The following FSD1L variants were observed in gnomAD, a reference collection of about 807,000 sequenced individuals.
FSD1L encodes the protein fibronectin type III and SPRY domain containing 1 like.
In FSD1L, 45 loss-of-function variants were observed where a neutral mutation model predicts 71.6. That is an observed-to-expected ratio of 0.63 (90% CI 0.49 to 0.81). The LOEUF (loss-of-function observed/expected upper bound fraction) is 0.81. Among genes scored for constraint, FSD1L ranks in the 30% least tolerant of loss-of-function variants. FSD1L has a pLI of 0.00. For missense variants in FSD1L, 561 were observed against 618.1 expected (o/e 0.91, Z 0.98); for synonymous variants, 197 against 207.2 (o/e 0.95, Z 0.42).
intron 10 of FSD1L, chr9:105,520,103 TGGCAGTGGCAGTGGCAGC>T (rs1835037601): frequency 6.3e-7 from 1 of 1,586,220 alleles, no homozygotes; most frequent in Non-Finnish European, 8.6e-7. Context: ...GCAGTGGCAG[TGGCAGTGGCAGTGGCAGC>T]GGCAGGATGT....
intron 1 of FSD1L, among the ~76,000 whole-genome samples, chr9:105,461,233 G>A (rs983078538): frequency 3.7e-4 from 56 of 152,114 alleles, no homozygotes; most frequent in African/African-American, 1.1e-3. Context: ...GACCTCTTAA[G>A]TCTGTATTAT....
chr9:105,521,324 A>G lies in FSD1L; in HGVS notation c.1025+8388A>G. 8 of 1,614,230 alleles carry G rather than the reference A, an allele frequency of 5.0e-6. No homozygotes were observed. In the South Asian group the frequency reaches 6.6e-5, roughly 13 times the overall value. On this transcript the variant is annotated intron_variant, in intron 10 of 13. Coordinates refer to ENST00000481272, the MANE Select transcript of FSD1L (RefSeq NM_001145313.3). ...GCAAAAATGATAATGCTGATAAAGC[A>G]GACAGAACTACAGAACCCGAACAGT...
chr9:105,487,365 A>G (rs1832617786), intron 7 of FSD1L, among the ~76,000 whole-genome samples: 1 of 151,564 alleles, frequency 6.6e-6, no homozygotes, highest in African/African-American at 2.4e-5. Flanking sequence ...CACAGTTTAT[A>G]TGTACTGGAA....
At chr9:105,490,252 C>T (rs1441846238) in intron 7 of FSD1L, among the ~76,000 whole-genome samples, 1 of 152,166 alleles carries the variant, frequency 6.6e-6, no homozygotes, top group Non-Finnish European at 1.5e-5. Context: ...TCTCTGATGG[C>T]CAGTGATGGT....
chr9:105,500,073 T>C (rs1454247013), intron 7 of FSD1L, among the ~76,000 whole-genome samples: 2 of 152,242 alleles, frequency 1.3e-5, no homozygotes, highest in African/African-American at 4.8e-5. Flanking sequence ...ATCTGTTCTT[T>C]TATGCTGTCT....
rs1194457884 is a variant in FSD1L at position 105,551,393 on chromosome 9, TC to T, written c.*4911del. 2 of 152,180 alleles carry T rather than the reference TC, an allele frequency of 1.3e-5. No homozygotes were observed. Among genetic ancestry groups the T allele is most frequent in the East Asian group, 3.9e-4 (2 of 5,182 alleles). The allele number at this position is 152,180 out of a possible 1,614,324, so 9.4% of individuals were successfully genotyped here. A position where few individuals can be genotyped will look rare whatever the true frequency, so the allele number is the denominator to read the frequency against. Reference sequence around the variant, plus strand: ...ACAAATTGTTTATCATCTTTGGGTCTCTATTGCCTTCTTTATAAAATAAGTG... The same window carrying T: ...ACAAATTGTTTATCATCTTTGGGTCTTATTGCCTTCTTTATAAAATAAGTG... On this transcript the variant is annotated 3_prime_UTR_variant, in exon 14 of 14. Transcript: ENST00000481272.
In FSD1L at chr9:105,516,381, G is replaced by A. The variant is rs540302587; in HGVS notation, c.1025+3445G>A. ...CTCCTCAAGTGGGTCCTTGACCCCC[G>A]TGAATCCTGACTAGGAGACACCTCC... On this transcript the variant is annotated intron_variant, in intron 10 of 13. Coordinates refer to ENST00000481272, the MANE Select transcript of FSD1L (RefSeq NM_001145313.3). Among the ~76,000 whole-genome samples, 13 of 152,240 alleles carry A rather than the reference G, an allele frequency of 8.5e-5. No individual in the cohort carries two copies. The East Asian group carries it at 1.4e-3, about 16-fold the overall frequency.
chr9:105,542,614 C>A (rs556893428), intron 13 of FSD1L, among the ~76,000 whole-genome samples: 2 of 152,152 alleles, frequency 1.3e-5, no homozygotes, highest in South Asian at 4.1e-4. Flanking sequence ...CCACCATACC[C>A]GGCTATTTAA....
intron 4 of FSD1L, among the ~76,000 whole-genome samples, chr9:105,468,546 C>T (rs573710913): frequency 6.6e-6 from 1 of 151,316 alleles, no homozygotes; most frequent in African/African-American, 2.4e-5. Context: ...ACTCTGTCAC[C>T]CAGGCTGGAG....
intron 10 of FSD1L, chr9:105,526,381 A>C: frequency 1.2e-6 from 2 of 1,613,220 alleles, no homozygotes; most frequent in South Asian, 1.1e-5. Context: ...GTTTATCTGA[A>C]GGCTCCTACC....
chr9:105,523,620 C>T, intron 10 of FSD1L: 1 of 1,610,116 alleles, frequency 6.2e-7, no homozygotes, highest in Non-Finnish European at 8.5e-7. Flanking sequence ...TTTAATTCCT[C>T]CACTGAGAAT....
At chr9:105,487,457 A>G (rs1329843948) in intron 7 of FSD1L, among the ~76,000 whole-genome samples, 1 of 151,814 alleles carries the variant, frequency 6.6e-6, no homozygotes, top group African/African-American at 2.4e-5. Context: ...TAGGTGACAA[A>G]TGTGTTATGA....
In FSD1L at chr9:105,484,519, C is replaced by T; in HGVS notation, c.586+17C>T. ...TTTTGCCAGGTAAATACATGTATTA[C>T]ATGTAAAGTTTTGTATAAAACTTTT... On this transcript the variant is annotated intron_variant, in intron 7 of 13. Coordinates refer to ENST00000481272, the MANE Select transcript of FSD1L (RefSeq NM_001145313.3). 6.9e-7 allele frequency: 1 copy of T among 1,447,536 alleles called. No homozygotes were observed. 89.7% of individuals were successfully genotyped at this position (1,447,536 alleles called of 1,614,324 possible). A position where few individuals can be genotyped will look rare whatever the true frequency, so the allele number is the denominator to read the frequency against.
chr9:105,476,400 T>G (rs1198431445), intron 5 of FSD1L, among the ~76,000 whole-genome samples: 1 of 152,210 alleles, frequency 6.6e-6, no homozygotes, highest in Admixed American at 6.5e-5. Context: ...CAAACTTCCT[T>G]AAGTAGAATT....
intron 1 of FSD1L, among the ~76,000 whole-genome samples, chr9:105,450,664 G>C (rs13297771): frequency 1.3e-5 from 2 of 151,750 alleles, no homozygotes; most frequent in Admixed American, 6.6e-5. Context: ...CTCCTGAGTA[G>C]CTGGGATTAC....
chr9:105,525,351 C>G, intron 10 of FSD1L: 1 of 1,591,526 alleles, frequency 6.3e-7, no homozygotes, highest in Non-Finnish European at 8.5e-7. Context: ...GAACTGGAAT[C>G]TCACTTAATA....
rs371860509 is a variant in FSD1L, at chr9:105,496,049, C to CT, written c.587-10343dup. ...TTGCAAATATTGTCTCCCTGTCTGGCTTTTTTTCCCCTTGACGATGTCTTT... is the reference window on the plus strand; with the variant it reads ...TTGCAAATATTGTCTCCCTGTCTGGCTTTTTTTTCCCCTTGACGATGTCTTT... On this transcript the variant is annotated intron_variant, in intron 7 of 13. Transcript: ENST00000481272. Among the ~76,000 whole-genome samples, 590 of 151,182 alleles carry CT rather than the reference C, an allele frequency of 3.9e-3. 7 individuals carry two copies. The highest frequency in any genetic ancestry group is 0.013 in the African/African-American group (535 of 41,322).
At chr9:105,446,890 CA>C (rs1025557265), upstream of FSD1L, among the ~76,000 whole-genome samples, 1 of 152,008 alleles carries the variant, frequency 6.6e-6, no homozygotes, top group African/African-American at 2.4e-5. Context: ...TGAGCCTCTC[CA>C]GAGTCATCCA....
intron 8 of FSD1L, among the ~76,000 whole-genome samples, chr9:105,507,888 TC>T (rs577934320): frequency 0.016 from 1,560 of 100,342 alleles, 45 homozygotes; most frequent in African/African-American, 0.064. Context: ...ATATCACTCT[TC>T]TTTTTTTTTT....
Sources: allele counts gnomAD v4.1 joint callset (sites outside exome capture counted in the v4.1 genomes callset), GRCh38; gene constraint gnomAD v4.1.1; transcripts MANE v1.5; gene names NCBI Gene and HGNC (gene_info 2026-07-23, HGNC 2026-07-21).